ZBTB1: variants seen among roughly 807,000 people sequenced by gnomAD.
ZBTB1 encodes zinc finger and BTB domain containing 1.
ZBTB1 carries 13 observed loss-of-function variants against 51.6 expected under a neutral mutation model. That is an observed-to-expected ratio of 0.25 (90% CI 0.16 to 0.40). The LOEUF is 0.40. Ranked by LOEUF, ZBTB1 falls within the 10% of genes least tolerant of loss-of-function variation. The pLI, the probability that ZBTB1 is intolerant of heterozygous loss-of-function variation, is 1.00. For missense variants in ZBTB1, 567 were observed against 856.5 expected (o/e 0.66, Z 4.22); for synonymous variants, 240 against 282.2 (o/e 0.85, Z 1.50).
rs2079665188 is a variant in ZBTB1 at position 64,506,819 on chromosome 14, A to G, written c.-19+1873A>G. Among the ~76,000 whole-genome samples the G allele has an allele frequency of 2.6e-5, 4 of 152,182 alleles. No homozygotes were observed. In the South Asian group the frequency reaches 8.3e-4, roughly 31 times the overall value. ...GGGAAGGGACTGGTGTATCATTGTC[A>G]GAGAAAAGAGAAACCATATTTAACC... On this transcript the variant is annotated intron_variant, in intron 1 of 1. Coordinates refer to ENST00000683701, the MANE Select transcript of ZBTB1 (RefSeq NM_001123329.2).
intron 1 of ZBTB1, chr14:64,514,129 G>A (rs2079755290): frequency 6.6e-6 from 1 of 152,196 alleles, no homozygotes; most frequent in Non-Finnish European, 1.5e-5. Context: ...ATGTTAAAAT[G>A]TAAGAATCCT....
intron 1 of ZBTB1, among the ~76,000 whole-genome samples, chr14:64,515,784 G>T (rs1262508046): frequency 1.3e-5 from 2 of 152,174 alleles, no homozygotes; most frequent in African/African-American, 2.4e-5. Flanking sequence ...CTCCCAAAGT[G>T]CTGGGATTAC....
intron 1 of ZBTB1, among the ~76,000 whole-genome samples, chr14:64,510,961 T>A (rs929779321): frequency 2.0e-5 from 3 of 152,048 alleles, no homozygotes; most frequent in East Asian, 1.9e-4. Flanking sequence ...ATGGGCAGAT[T>A]TGAGAAATAT....
At chr14:64,512,287 T>C (rs990841495) in intron 1 of ZBTB1, among the ~76,000 whole-genome samples, 3 of 152,214 alleles carry the variant, frequency 2.0e-5, no homozygotes, top group Non-Finnish European at 4.4e-5. Context: ...GTATATGCTC[T>C]CTGGCTTCTT....
rs1264884472 is a variant in ZBTB1 at position 64,523,645 on chromosome 14, G to A, written c.2141G>A (p.Ter714=). ...HYNAKHLKRT[*] is the part of the protein sequence containing the mutation. ...AATGCCAAGCATTTGAAAAGAACCT[G>A]AGTGATTTTCTACTGTACTAATGTT... is the stretch of plus-strand genomic sequence containing the variant. Residue 714 remains the stop codon, a stop_retained_variant, in exon 2 of 2, where the codon TGA becomes TAA. Coordinates refer to ENST00000683701, the MANE Select transcript of ZBTB1 (RefSeq NM_001123329.2). This position sits in a 1 kb window ranked among gnomAD's most constrained non-coding sequence, Gnocchi z 4.5. 1.3e-6 allele frequency: 2 copies of A among 1,545,932 alleles called. No individual in the cohort carries two copies. The highest frequency in any genetic ancestry group is 1.2e-5 in the South Asian group (1 of 83,500).
Position 64,522,336 on chromosome 14 carries a change from T to G in ZBTB1, c.832T>G (p.Ser278Ala). 6.2e-7 allele frequency: 1 copy of G among 1,614,198 alleles called. No homozygotes were observed. Among genetic ancestry groups the G allele is most frequent in the Non-Finnish European group, 8.5e-7 (1 of 1,180,044 alleles). Reference protein sequence around the residue: ...FGEKDSSKTFSAQTDKYRGDT... With the variant: ...FGEKDSSKTFAAQTDKYRGDT... ...TGAAAAAGATTCTTCCAAAACATTT[T>G]CTGCACAGACGGACAAATACAGAGG... The change falls in exon 2 of 2, where the codon TCT becomes GCT. Residue 278 changes from serine to alanine, a missense_variant. By Grantham distance (99) the Ser-to-Ala change is moderately conservative. This residue lies in a region of ZBTB1 where 329 missense variants were observed against 406.3 expected (regional missense o/e 0.81). Coordinates refer to ENST00000683701, the MANE Select transcript of ZBTB1 (RefSeq NM_001123329.2).
rs373806011 is a variant in ZBTB1 at position 64,512,109 on chromosome 14, A to T, written c.-19+7163A>T. Among the ~76,000 whole-genome samples the T allele has an allele frequency of 6.8e-3, 1,034 of 152,328 alleles. 4 individuals are homozygous for T. Among genetic ancestry groups the T allele is most frequent in the Middle Eastern group, 0.014 (4 of 294 alleles). ...TGTAATTATGACATTAATTTTTTTT[A>T]AATTGTACTGTGCTTGGATTGAAAA... On this transcript the variant is annotated intron_variant, in intron 1 of 1. Coordinates refer to ENST00000683701, the MANE Select transcript of ZBTB1 (RefSeq NM_001123329.2).
chr14:64,522,347 G>A lies in ZBTB1; in HGVS notation c.843G>A (p.Thr281=), dbSNP rs549392191. 91 of 1,614,032 alleles carry A rather than the reference G, an allele frequency of 5.6e-5. No individual in the cohort carries two copies. In the East Asian group the frequency reaches 1.7e-3, roughly 30 times the overall value. The change falls in exon 2 of 2, where the codon ACG becomes ACA. Residue 281 remains threonine, a synonymous_variant. Coordinates refer to ENST00000683701, the MANE Select transcript of ZBTB1 (RefSeq NM_001123329.2). ...CTTCCAAAACATTTTCTGCACAGAC[G>A]GACAAATACAGAGGAGACACAAGCC... ...KDSSKTFSAQ[T]DKYRGDTSQA...
In ZBTB1 at chr14:64,504,821, G is replaced by T; in HGVS notation, c.-144G>T. The T allele has an allele frequency of 5.1e-6, 2 of 389,860 alleles. No homozygotes were observed. Among genetic ancestry groups the T allele is most frequent in the South Asian group, 2.6e-4 (2 of 7,722 alleles). 24.2% of individuals were successfully genotyped at this position (389,860 alleles called of 1,614,324 possible). ...AGAGCCTCTCCGCGCAGCCCAGCCC[G>T]AGCGCCGAGCGCCGCGCGCCGCCGC... On this transcript the variant is annotated 5_prime_UTR_variant, in exon 1 of 2. Coordinates refer to ENST00000683701, the MANE Select transcript of ZBTB1 (RefSeq NM_001123329.2).
chr14:64,511,002 T>C (rs561405090), intron 1 of ZBTB1, among the ~76,000 whole-genome samples: 4 of 152,230 alleles, frequency 2.6e-5, no homozygotes, highest in South Asian at 4.1e-4. Flanking sequence ...ACTTAATGGT[T>C]GATTATGAGG....
chr14:64,522,561 A>G lies in ZBTB1; in HGVS notation c.1057A>G (p.Asn353Asp). 6.2e-7 allele frequency: 1 copy of G among 1,613,984 alleles called. No homozygotes were observed. The highest frequency in any genetic ancestry group is 8.5e-7 in the Non-Finnish European group (1 of 1,179,978). Reference protein sequence around the residue: ...NIIKVTDKDCNESTDNDELED... With the variant: ...NIIKVTDKDCDESTDNDELED... ...TATTAAAGTTACTGATAAAGACTGT[A>G]ATGAATCCACTGACAATGATGAATT... The change falls in exon 2 of 2, where the codon AAT (asparagine) becomes GAT (aspartate). Residue 353 changes from asparagine to aspartate, a missense_variant. By Grantham distance (23) the Asn-to-Asp change is conservative. Around this residue, in one of 5 missense-constraint regions of ZBTB1, gnomAD observed 329 missense variants for 406.3 expected, o/e 0.81. Transcript: ENST00000683701.
chr14:64,512,856 A>G (rs943775135), intron 1 of ZBTB1, among the ~76,000 whole-genome samples: 4 of 152,196 alleles, frequency 2.6e-5, no homozygotes, highest in African/African-American at 9.6e-5. Context: ...GCAAGATGGT[A>G]TTCTAGGAAA....
chr14:64,524,119 C>G lies in ZBTB1; in HGVS notation c.*473C>G, dbSNP rs766387826. 1.3e-4 allele frequency: 130 copies of G among 984,156 alleles called. No homozygotes were observed. Among genetic ancestry groups the G allele is most frequent in the Non-Finnish European group, 1.5e-4 (122 of 829,244 alleles). 61.0% of individuals were successfully genotyped at this position (984,156 alleles called of 1,614,324 possible). A position where few individuals can be genotyped will look rare whatever the true frequency, so the allele number is the denominator to read the frequency against. On this transcript the variant is annotated 3_prime_UTR_variant, in exon 2 of 2. Coordinates refer to ENST00000683701, the MANE Select transcript of ZBTB1 (RefSeq NM_001123329.2). ...TTTAGTGAGTTAACTACTCTTTATTCCCCCTTATTAATGAAATTCATATTC... is the reference window on the plus strand; with the variant it reads ...TTTAGTGAGTTAACTACTCTTTATTGCCCCTTATTAATGAAATTCATATTC...
intron 1 of ZBTB1, among the ~76,000 whole-genome samples, chr14:64,510,279 T>C (rs2079711362): frequency 6.6e-6 from 1 of 152,196 alleles, no homozygotes; most frequent in Non-Finnish European, 1.5e-5. Flanking sequence ...GAAGCACAAA[T>C]TGACTAAGCA....
At chr14:64,518,897 CAG>C (rs1330815717) in intron 1 of ZBTB1, among the ~76,000 whole-genome samples, 1 of 74,626 alleles carries the variant, frequency 1.3e-5, no homozygotes, top group Non-Finnish European at 2.6e-5. Context: ...AAACTAGTTG[CAG>C]AGAGGTATAT....
chr14:64,522,396 A>C lies in ZBTB1; in HGVS notation c.892A>C (p.Thr298Pro), dbSNP rs2079869191. 6.2e-7 allele frequency: 1 copy of C among 1,614,170 alleles called. No individual in the cohort carries two copies. Among genetic ancestry groups the C allele is most frequent in the South Asian group, 1.1e-5 (1 of 91,068 alleles). ...TSQAADDSAS[T>P]TGSRKSSTVE... ...CCAGGCTGCTGATGATTCAGCTTCA[A>C]CCACTGGAAGCAGAAAAAGTAGCAC... The change falls in exon 2 of 2, where the codon ACC (threonine) becomes CCC (proline). Residue 298 changes from threonine to proline, a missense_variant. Thr to Pro is a conservative substitution (Grantham distance 38, BLOSUM62 -1). Around this residue, in one of 5 missense-constraint regions of ZBTB1, gnomAD observed 329 missense variants for 406.3 expected, o/e 0.81. Coordinates refer to ENST00000683701, the MANE Select transcript of ZBTB1 (RefSeq NM_001123329.2).
Position 64,521,946 on chromosome 14 carries a change from A to T in ZBTB1, c.442A>T (p.Thr148Ser), listed in dbSNP as rs2079863812. Reference sequence around the variant, plus strand: ...ATTTGGGGTAAGAATGTATGAAGATACTGTGGCTCGAAATGGCAATGAAGC... The same window carrying T: ...ATTTGGGGTAAGAATGTATGAAGATTCTGTGGCTCGAAATGGCAATGAAGC... ...MIFGVRMYEDTVARNGNEANR... is the reference protein window; with the variant it reads ...MIFGVRMYEDSVARNGNEANR... Residue 148 changes from threonine (T) to serine (S), a missense_variant, in exon 2 of 2, where the codon ACT becomes TCT. By Grantham distance (58) the Thr-to-Ser change is moderately conservative. Coordinates refer to ENST00000683701, the MANE Select transcript of ZBTB1 (RefSeq NM_001123329.2). 1 of 1,614,126 alleles carries T rather than the reference A, an allele frequency of 6.2e-7. No homozygotes were observed. Among genetic ancestry groups the T allele is most frequent in the African/African-American group, 1.3e-5 (1 of 74,946 alleles).
At position 64,521,671 on chromosome 14, in the gene ZBTB1, A is replaced by G. The variant is rs779023330; in HGVS notation, c.167A>G (p.His56Arg). 6.2e-7 allele frequency: 1 copy of G among 1,614,212 alleles called. No homozygotes were observed. Among genetic ancestry groups the G allele is most frequent in the East Asian group, 2.2e-5 (1 of 44,888 alleles). The part of the protein sequence containing the change: ...SSYFRMFFMN[H>R]QHSTAQLNLS... ...TATTTTAGAATGTTTTTCATGAACC[A>G]TCAGCATAGTACTGCACAACTGAAT... The change falls in exon 2 of 2, where the codon CAT becomes CGT. Residue 56 changes from histidine to arginine, a missense_variant. His to Arg is a conservative substitution (Grantham distance 29). Transcript: ENST00000683701.
chr14:64,525,977 G>A (rs1387190463), downstream of ZBTB1, among the ~76,000 whole-genome samples: 3 of 152,010 alleles, frequency 2.0e-5, no homozygotes, highest in Non-Finnish European at 4.4e-5. Flanking sequence ...ATGCCACCAC[G>A]CCCGGCTAAT....
Sources: allele counts gnomAD v4.1 joint callset (sites outside exome capture counted in the v4.1 genomes callset), GRCh38; gene constraint gnomAD v4.1.1; regional missense constraint gnomAD v4.1.1; non-coding constraint Gnocchi (gnomAD v3.1); transcripts MANE v1.5; gene names NCBI Gene and HGNC (gene_info 2026-07-23, HGNC 2026-07-21).